Variants in PTPRJ observed in about 807,000 individuals in gnomAD.
PTPRJ encodes the protein receptor-type tyrosine-protein phosphatase eta.
A neutral mutation model predicts 141.3 loss-of-function variants in PTPRJ; 129 were observed. That is an observed-to-expected ratio of 0.91 (90% CI 0.79 to 1.06). The LOEUF (loss-of-function observed/expected upper bound fraction) is 1.06, where lower values mean the gene tolerates loss of function less well. Ranked by LOEUF, PTPRJ falls within the 50% of genes least tolerant of loss-of-function variation. The pLI is 0.00. For missense variants in PTPRJ, 1,601 were observed against 1,679.7 expected, an observed-to-expected ratio of 0.95 and a Z score of 0.82; for synonymous variants, 610 against 640.5, an observed-to-expected ratio of 0.95 and a Z score of 0.72.
At chr11:48,138,167 T>G (rs748981768) in intron 10 of PTPRJ, among the ~76,000 whole-genome samples, 3 of 152,198 alleles carry the variant, frequency 2.0e-5, no homozygotes, top group Non-Finnish European at 4.4e-5. Context: ...CCTGGTAGTA[T>G]AGGAGCTCCA....
chr11:48,033,904 C>T (rs538944707), intron 1 of PTPRJ, among the ~76,000 whole-genome samples: 1 of 152,220 alleles, frequency 6.6e-6, no homozygotes, highest in Non-Finnish European at 1.5e-5. Context: ...AGCGTTTGAC[C>T]TATAGTAACC....
Position 48,027,067 on chromosome 11 carries a change from C to T in PTPRJ, c.96+46059C>T, listed in dbSNP as rs535968576. 5.7e-5 allele frequency among the ~76,000 whole-genome samples: 8 copies of T among 139,646 alleles called. No individual in the cohort carries two copies. In the East Asian group the frequency reaches 6.5e-4, roughly 11 times the overall value. The allele number at this position is 139,646 out of a possible 152,430, so 91.6% of individuals were successfully genotyped here. ...TTGCCCAGGCTGGATTGCAGTGGCG[C>T]GATCTCAGCTCACTGCAAGCTCTGC... On this transcript the variant is annotated intron_variant, in intron 1 of 24. Transcript: ENST00000418331.
intron 5 of PTPRJ, 84 bp downstream of exon 5, chr11:48,123,954 C>T: frequency 7.0e-7 from 1 of 1,423,186 alleles, no homozygotes; most frequent in Non-Finnish European, 9.6e-7. Context: ...ATTGCTCTTC[C>T]ATGTGTATGG....
chr11:48,058,896 T>C (rs61914723), intron 1 of PTPRJ, among the ~76,000 whole-genome samples: 10,763 of 152,136 alleles, frequency 0.071, 582 homozygotes, highest in African/African-American at 0.15. Context: ...ATTTTGTGCC[T>C]CCTCTGCCCC....
chr11:48,006,994 A>G (rs1854639693), intron 1 of PTPRJ, among the ~76,000 whole-genome samples: 1 of 152,156 alleles, frequency 6.6e-6, no homozygotes, highest in African/African-American at 2.4e-5. Flanking sequence ...CAAATATGAA[A>G]TCAGAATTCT....
chr11:48,137,746 G>A (rs1035745947), intron 10 of PTPRJ, among the ~76,000 whole-genome samples: 4 of 152,142 alleles, frequency 2.6e-5, no homozygotes, highest in African/African-American at 9.7e-5. Flanking sequence ...GAGTGGACCC[G>A]CAGGAACAGG....
chr11:48,116,963 A>G (rs1856580149), intron 3 of PTPRJ, among the ~76,000 whole-genome samples: 1 of 152,226 alleles, frequency 6.6e-6, no homozygotes, highest in Non-Finnish European at 1.5e-5. Flanking sequence ...TGAGACATAA[A>G]TTAGAAAATG....
intron 1 of PTPRJ, among the ~76,000 whole-genome samples, chr11:48,011,827 A>G (rs1229018301): frequency 3.3e-5 from 5 of 152,050 alleles, no homozygotes. Context: ...ACACCTGGCT[A>G]ATTAAAAACA....
At chr11:47,981,688 C>T (rs1474840530) in intron 1 of PTPRJ, among the ~76,000 whole-genome samples, 1 of 152,202 alleles carries the variant, frequency 6.6e-6, no homozygotes, top group African/African-American at 2.4e-5. Flanking sequence ...CCACCCTCAC[C>T]CTCTTTTCTG....
intron 1 of PTPRJ, among the ~76,000 whole-genome samples, chr11:48,007,998 A>C (rs1475431126): frequency 6.6e-6 from 1 of 152,132 alleles, no homozygotes; most frequent in East Asian, 1.9e-4. Context: ...CCCGACACTA[A>C]AGATACAGTG....
chr11:48,156,124 G>A lies in PTPRJ; in HGVS notation c.3438+5G>A. The A allele has an allele frequency of 6.4e-7, 1 of 1,569,362 alleles. No individual in the cohort carries two copies. The stretch of plus-strand genomic sequence containing the variant: ...AAATGTGTTGAACAGGGAAGAGTAA[G>A]TATCTTTTTTAGTTTTTAAAATTTA... On this transcript the variant is annotated splice_donor_5th_base_variant and intron_variant, in intron 21 of 24. Coordinates refer to ENST00000418331, the MANE Select transcript of PTPRJ (RefSeq NM_002843.4).
At chr11:48,027,990 T>A (rs1410293264) in intron 1 of PTPRJ, among the ~76,000 whole-genome samples, 1 of 151,406 alleles carries the variant, frequency 6.6e-6, no homozygotes, top group East Asian at 1.9e-4. Flanking sequence ...AGGCAGTGAG[T>A]GGAAGTGAAG....
chr11:48,054,086 C>T (rs2134251528), intron 1 of PTPRJ, among the ~76,000 whole-genome samples: 1 of 151,792 alleles, frequency 6.6e-6, no homozygotes, highest in East Asian at 1.9e-4. Flanking sequence ...GTGCCTGCCA[C>T]CACGCCTGGC....
chr11:48,142,816 CCA>C, intron 11 of PTPRJ, 101 bp from the exon 12 acceptor site: 1 of 1,372,242 alleles, frequency 7.3e-7, no homozygotes, highest in Non-Finnish European at 9.7e-7. Flanking sequence ...CATGTAGCTT[CCA>C]GAGTAAGATC....
chr11:48,127,910 T>G lies in PTPRJ; in HGVS notation c.1224T>G (p.Asp408Glu), dbSNP rs1856883250. 1 of 1,614,058 alleles carries G rather than the reference T, an allele frequency of 6.2e-7. No individual in the cohort carries two copies. Among genetic ancestry groups the G allele is most frequent in the East Asian group, 2.2e-5 (1 of 44,892 alleles). The change falls in exon 7 of 25, where the codon GAT becomes GAG. Residue 408 changes from aspartate (D) to glutamate (E), a missense_variant. By Grantham distance (45) the Asp-to-Glu change is conservative. Coordinates refer to ENST00000418331, the MANE Select transcript of PTPRJ (RefSeq NM_002843.4). ...AGATACATGTGGCGGGGGAGACAGA[T>G]TCTTCCAATCTCAACGTCAGTGAGC... ...TYKIHVAGET[D>E]SSNLNVSEPR...
At position 48,137,233 on chromosome 11, in the gene PTPRJ, G is replaced by A; in HGVS notation, c.2104G>A (p.Gly702Arg). Reference sequence around the variant, plus strand: ...CACAGTGGAGATCTTTGCACAAGTAGGGGATGGGATCAAGTCACTGGAACC... The same window carrying A: ...CACAGTGGAGATCTTTGCACAAGTAAGGGATGGGATCAAGTCACTGGAACC... ...SYTVEIFAQVGDGIKSLEPGR... is the reference protein window; with the variant it reads ...SYTVEIFAQVRDGIKSLEPGR... The change falls in exon 10 of 25, where the codon GGG (glycine) becomes AGG (arginine). Residue 702 changes from glycine to arginine, a missense_variant. Physicochemically the swap from Gly to Arg is moderately radical, Grantham distance 125. Coordinates refer to ENST00000418331, the MANE Select transcript of PTPRJ (RefSeq NM_002843.4). The A allele has an allele frequency of 6.2e-7, 1 of 1,614,116 alleles. No homozygotes were observed. The highest frequency in any genetic ancestry group is 8.5e-7 in the Non-Finnish European group (1 of 1,180,008).
At chr11:48,011,731 A>T (rs888949931) in intron 1 of PTPRJ, among the ~76,000 whole-genome samples, 11 of 151,994 alleles carry the variant, frequency 7.2e-5, no homozygotes, top group African/African-American at 2.7e-4. Flanking sequence ...AACACACCTC[A>T]CTTACTGCAG....
At chr11:47,993,163 C>CTT (rs2134180992) in intron 1 of PTPRJ, among the ~76,000 whole-genome samples, 1 of 152,298 alleles carries the variant, frequency 6.6e-6, no homozygotes, top group African/African-American at 2.4e-5. Context: ...GGAGGCCTGC[C>CTT]TTTAAGTAGC....
chr11:47,999,421 G>T (rs912526568), intron 1 of PTPRJ, among the ~76,000 whole-genome samples: 4 of 152,224 alleles, frequency 2.6e-5, no homozygotes, highest in African/African-American at 9.6e-5. Flanking sequence ...AGTCTTCAGT[G>T]AGGAGGAACT....
Sources: allele counts gnomAD v4.1 joint callset (sites outside exome capture counted in the v4.1 genomes callset), GRCh38; gene constraint gnomAD v4.1.1; transcripts MANE v1.5; gene names NCBI Gene and HGNC (gene_info 2026-07-23, HGNC 2026-07-21).